The following WASL variants were observed in gnomAD, a reference collection of about 807,000 sequenced individuals.
WASL encodes the protein actin nucleation-promoting factor WASL.
In WASL, 20 loss-of-function variants were observed where a neutral mutation model predicts 55.5. That is an observed-to-expected ratio of 0.36 (90% CI 0.25 to 0.52). WASL has a LOEUF of 0.52. Among genes scored for constraint, WASL ranks in the 20% least tolerant of loss-of-function variants. WASL has a pLI of 0.92. For missense variants in WASL, 504 were observed against 622.5 expected (o/e 0.81, Z 2.03); for synonymous variants, 249 against 217.6 (o/e 1.14, Z -1.27).
At chr7:123,689,010 C>T in intron 10 of WASL, 32 bp downstream of exon 10, 1 of 206,202 alleles carries the variant, frequency 4.8e-6, no homozygotes, top group Non-Finnish European at 8.0e-6. Context: ...CTCTCTGTCT[C>T]TCTCTCTCTC....
At position 123,685,119 on chromosome 7, in the gene WASL, C is replaced by A. The variant is rs1281905328; in HGVS notation, c.1457-539G>T. On this transcript the variant is annotated intron_variant, in intron 10 of 10. Transcript: ENST00000223023. ...TCTTTCACTGCTACTCTCCACACCA[C>A]CATCACATCCTGCTTGGATTATTGC... 6.6e-5 allele frequency among the ~76,000 whole-genome samples: 10 copies of A among 151,990 alleles called. No individual in the cohort carries two copies. In the East Asian group the frequency reaches 1.9e-3, roughly 29 times the overall value.
Position 123,692,242 on chromosome 7 carries a change from C to G in WASL, c.1347+105G>C, listed in dbSNP as rs1371562540. The G allele has an allele frequency of 2.1e-6, 3 of 1,408,558 alleles. No homozygotes were observed. In the African/African-American group the frequency reaches 4.4e-5, roughly 21 times the overall value. 87.3% of individuals were successfully genotyped at this position (1,408,558 alleles called of 1,614,324 possible). On this transcript the variant is annotated intron_variant, in intron 9 of 10. Coordinates refer to ENST00000223023, the MANE Select transcript of WASL (RefSeq NM_003941.4). Reference sequence around the variant, plus strand: ...ATTTATAGGGTTAAGAATGAATTAGCAAGAGGAAAAAAGAATACACTTTTC... The same window carrying G: ...ATTTATAGGGTTAAGAATGAATTAGGAAGAGGAAAAAAGAATACACTTTTC...
At position 123,730,716 on chromosome 7, in the gene WASL, C is replaced by T. The variant is rs567265990; in HGVS notation, c.117+17902G>A. ...TAATCGTATGTGAATGGTCTAAATA[C>T]ACCAATTAAAAGAAGACTGTCAGAA... On this transcript the variant is annotated intron_variant, in intron 1 of 10. Coordinates refer to ENST00000223023, the MANE Select transcript of WASL (RefSeq NM_003941.4). Among the ~76,000 whole-genome samples the T allele has an allele frequency of 2.6e-5, 4 of 152,300 alleles. No individual in the cohort carries two copies. The East Asian group carries it at 7.7e-4, about 29-fold the overall frequency.
chr7:123,735,328 C>T (rs1804207441), intron 1 of WASL, among the ~76,000 whole-genome samples: 2 of 142,764 alleles, frequency 1.4e-5, no homozygotes, highest in African/African-American at 5.2e-5. Flanking sequence ...TTAAAAGAGT[C>T]AAGGTAAATT....
intron 1 of WASL, 26 bp downstream of exon 1, chr7:123,748,592 T>G: frequency 6.2e-7 from 1 of 1,610,354 alleles, no homozygotes; most frequent in Non-Finnish European, 8.5e-7. Context: ...ATGTCACGGG[T>G]GGCGACGCGG....
At chr7:123,747,906 G>A (rs755980181) in intron 1 of WASL, among the ~76,000 whole-genome samples, 4 of 151,976 alleles carry the variant, frequency 2.6e-5, no homozygotes, top group Non-Finnish European at 5.9e-5. Flanking sequence ...GGCCCCAAAA[G>A]CCAAGAGCTA....
At position 123,689,068 on chromosome 7, in the gene WASL, T is replaced by C. The variant is rs1803351137; in HGVS notation, c.1430A>G (p.Lys477Arg). The C allele has an allele frequency of 3.1e-6, 5 of 1,612,440 alleles. No homozygotes were observed. In the South Asian group the frequency reaches 3.3e-5, roughly 11 times the overall value. ...IVGALMEVMQ[K>R]RSKAIHSSDE... is the part of the protein sequence containing the mutation. ...TGAAGAATGAATGGCTTTGCTCCTT[T>C]TCTGCATCACTTCCATTAATGCACC... is the stretch of plus-strand genomic sequence containing the variant. The change falls in exon 10 of 11, where the codon AAA becomes AGA. Residue 477 changes from lysine to arginine, a missense_variant. Around this residue, in one of 5 missense-constraint regions of WASL, gnomAD observed 53 missense variants for 69.1 expected, o/e 0.77. Transcript: ENST00000223023.
At chr7:123,731,925 G>A (rs1029810675) in intron 1 of WASL, among the ~76,000 whole-genome samples, 2 of 152,034 alleles carry the variant, frequency 1.3e-5, no homozygotes, top group African/African-American at 4.8e-5. Context: ...AGAAATCAAT[G>A]CAACTGAAAA....
chr7:123,730,441 T>A (rs1247749864), intron 1 of WASL, among the ~76,000 whole-genome samples: 3 of 152,164 alleles, frequency 2.0e-5, no homozygotes, highest in Non-Finnish European at 4.4e-5. Context: ...GGGAATATTG[T>A]GTTCTAAAGT....
chr7:123,718,124 T>C (rs985619108), intron 1 of WASL, among the ~76,000 whole-genome samples: 13 of 152,234 alleles, frequency 8.5e-5, no homozygotes, highest in Admixed American at 7.2e-4. Context: ...CAAGTTATAA[T>C]AGCAATAAGC....
Position 123,689,110 on chromosome 7 carries a change from G to A in WASL, c.1388C>T (p.Pro463Leu). 1 of 1,613,390 alleles carries A rather than the reference G, an allele frequency of 6.2e-7. No individual in the cohort carries two copies. The highest frequency in any genetic ancestry group is 8.5e-7 in the Non-Finnish European group (1 of 1,179,842). Residue 463 changes from proline (P) to leucine (L), a missense_variant, in exon 10 of 11, where the codon CCC becomes CTC. Coordinates refer to ENST00000223023, the MANE Select transcript of WASL (RefSeq NM_003941.4). The part of the protein sequence containing the change: ...GQESTPPTPA[P>L]TSGIVGALME... ...TAATGCACCCACAATTCCTGAAGTG[G>A]GTGCAGGTGTTGGTGGTGTAGACTC...
chr7:123,704,416 T>C (rs537526508), intron 5 of WASL, among the ~76,000 whole-genome samples: 50 of 152,292 alleles, frequency 3.3e-4, no homozygotes, highest in African/African-American at 1.0e-3. Flanking sequence ...TATTGTTTCC[T>C]AAGTCTCATC....
At chr7:123,711,025 C>A (rs1190641473) in intron 1 of WASL, among the ~76,000 whole-genome samples, 5 of 152,126 alleles carry the variant, frequency 3.3e-5, no homozygotes, top group African/African-American at 1.2e-4. Context: ...TGTCAAAATA[C>A]ATTCATTTCT....
Position 123,684,517 on chromosome 7 carries a change from G to T in WASL, c.*2C>A. Reference sequence around the variant, plus strand: ...AATATATATATATATATAATATATAGATCAGTCTTCCCACTCATCATCATC... The same window carrying T: ...AATATATATATATATATAATATATATATCAGTCTTCCCACTCATCATCATC... On this transcript the variant is annotated 3_prime_UTR_variant, in exon 11 of 11. Coordinates refer to ENST00000223023, the MANE Select transcript of WASL (RefSeq NM_003941.4). 2.5e-6 allele frequency: 2 copies of T among 812,030 alleles called. No individual in the cohort carries two copies. The highest frequency in any genetic ancestry group is 2.3e-5 in the Admixed American group (1 of 44,180). The allele number at this position is 812,030 out of a possible 1,614,324, so 50.3% of individuals were successfully genotyped here.
rs1803210126 is a variant in WASL, at chr7:123,682,366, T to C, written c.*2153A>G. On this transcript the variant is annotated 3_prime_UTR_variant, in exon 11 of 11. Coordinates refer to ENST00000223023, the MANE Select transcript of WASL (RefSeq NM_003941.4). ...ACAGCTGCTGTGTTTCAACCAACAG[T>C]AATTTAGACTTTTTGTAACAACAAC... 6.6e-6 allele frequency: 1 copy of C among 152,162 alleles called. No homozygotes were observed. Among genetic ancestry groups the C allele is most frequent in the African/African-American group, 2.4e-5 (1 of 41,450 alleles). 9.4% of individuals were successfully genotyped at this position (152,162 alleles called of 1,614,324 possible).
chr7:123,712,373 A>C (rs906605854), intron 1 of WASL, among the ~76,000 whole-genome samples: 1 of 152,142 alleles, frequency 6.6e-6, no homozygotes, highest in African/African-American at 2.4e-5. Flanking sequence ...GTTAAAAACT[A>C]CATGTTCTGA....
At chr7:123,737,043 C>T (rs1804245030) in intron 1 of WASL, among the ~76,000 whole-genome samples, 1 of 152,126 alleles carries the variant, frequency 6.6e-6, no homozygotes, top group Non-Finnish European at 1.5e-5. Flanking sequence ...AAAAATAAGT[C>T]TAAGACTTAG....
intron 5 of WASL, among the ~76,000 whole-genome samples, chr7:123,702,722 T>G (rs1237648201): frequency 2.6e-5 from 4 of 152,216 alleles, no homozygotes; most frequent in Admixed American, 2.6e-4. Context: ...TTAGGTATTA[T>G]GAGTACTCTA....
At chr7:123,698,146 A>G (rs954596961) in intron 5 of WASL, among the ~76,000 whole-genome samples, 3 of 152,002 alleles carry the variant, frequency 2.0e-5, no homozygotes, top group Non-Finnish European at 4.4e-5. Flanking sequence ...AATGTTTGCC[A>G]TGAGTACAGC....
Sources: gnomAD v4.1 joint callset for allele counts (sites outside exome capture counted in the v4.1 genomes callset) on GRCh38, gnomAD v4.1.1 for gene constraint, gnomAD v4.1.1 regional missense constraint, MANE v1.5 for transcripts, NCBI Gene and HGNC (gene_info 2026-07-23, HGNC 2026-07-21) for gene names.